The following ATP8A2 variants were observed in gnomAD, a reference collection of about 807,000 sequenced individuals.
ATP8A2 encodes ATPase phospholipid transporting 8A2.
ATP8A2 carries 100 observed loss-of-function variants against 165.6 expected under a neutral mutation model. The observed-to-expected ratio is 0.60, with a 90% CI of 0.51 to 0.71. The LOEUF is 0.71. ATP8A2 is among the 30% of genes least tolerant of loss of function. ATP8A2 has a pLI of 0.00. For missense variants in ATP8A2, 1,227 were observed against 1,479.5 expected, an observed-to-expected ratio of 0.83 and a Z score of 2.80; for synonymous variants, 543 against 548.8, an observed-to-expected ratio of 0.99 and a Z score of 0.15.
intron 27 of ATP8A2, among the ~76,000 whole-genome samples, chr13:25,792,915 AAAG>A (rs1205631572): frequency 7.2e-4 from 109 of 151,716 alleles, no homozygotes; most frequent in South Asian, 2.7e-3. Flanking sequence ...AAAAAAAAGA[AAAG>A]AAAAAGAGAG....
At chr13:25,618,596 G>A (rs1204287732) in intron 24 of ATP8A2, among the ~76,000 whole-genome samples, 1 of 150,976 alleles carries the variant, frequency 6.6e-6, no homozygotes, top group Non-Finnish European at 1.5e-5. Flanking sequence ...CTGGAGCAGT[G>A]AAGAATTCTA....
intron 33 of ATP8A2, among the ~76,000 whole-genome samples, chr13:25,875,728 T>TTAAA (rs1952805345): frequency 1.3e-5 from 2 of 152,230 alleles, no homozygotes; most frequent in African/African-American, 4.8e-5. Context: ...AGGTGATGTC[T>TTAAA]GTGGCATGAT....
At chr13:25,963,308 C>T (rs1394170449) in intron 34 of ATP8A2, among the ~76,000 whole-genome samples, 4 of 150,544 alleles carry the variant, frequency 2.7e-5, no homozygotes, top group Non-Finnish European at 5.9e-5. Flanking sequence ...GCAGGAGAAT[C>T]GCTTGAACCT....
chr13:25,547,497 C>T (rs1037531888), intron 10 of ATP8A2, among the ~76,000 whole-genome samples: 1 of 152,168 alleles, frequency 6.6e-6, no homozygotes, highest in African/African-American at 2.4e-5. Context: ...CTGTCACTGT[C>T]TCCCATCACC....
chr13:25,545,204 C>A (rs1432546408), intron 10 of ATP8A2, among the ~76,000 whole-genome samples: 1 of 151,874 alleles, frequency 6.6e-6, no homozygotes, highest in Non-Finnish European at 1.5e-5. Context: ...GGCGGGAGGG[C>A]TCCATGGCAG....
At chr13:25,469,255 TC>T in intron 2 of ATP8A2, 134 bp downstream of exon 2, 1 of 1,004,732 alleles carries the variant, frequency 1.0e-6, no homozygotes, top group Non-Finnish European at 1.3e-6. Context: ...CCCTGCCCCC[TC>T]CCCACCCCAC....
chr13:25,993,790 C>A (rs1221775206), intron 35 of ATP8A2, among the ~76,000 whole-genome samples: 1 of 152,152 alleles, frequency 6.6e-6, no homozygotes, highest in African/African-American at 2.4e-5. Flanking sequence ...TCTTCCATTT[C>A]ATTCTTCTTT....
chr13:25,475,532 C>A (rs959964250), intron 2 of ATP8A2, among the ~76,000 whole-genome samples: 1 of 152,128 alleles, frequency 6.6e-6, no homozygotes, highest in Admixed American at 6.5e-5. Flanking sequence ...TGGTGTATAC[C>A]CAGTAATGGG....
At chr13:25,800,406 AC>A (rs1000808848) in intron 27 of ATP8A2, among the ~76,000 whole-genome samples, 59 of 152,338 alleles carry the variant, frequency 3.9e-4, no homozygotes, top group African/African-American at 1.4e-3. Context: ...TGAAAAGTCA[AC>A]CAAAAGATGC....
chr13:25,761,853 T>C (rs1371682906), intron 25 of ATP8A2, among the ~76,000 whole-genome samples: 1 of 151,876 alleles, frequency 6.6e-6, no homozygotes, highest in South Asian at 2.1e-4. Flanking sequence ...GAGCTTTTAA[T>C]AGTTGAAGCA....
intron 10 of ATP8A2, among the ~76,000 whole-genome samples, chr13:25,544,343 G>A (rs1273095462): frequency 6.6e-6 from 1 of 152,252 alleles, no homozygotes; most frequent in African/African-American, 2.4e-5. Flanking sequence ...GATTCCCGTG[G>A]CAGAAGCACA....
intron 17 of ATP8A2, 90 bp from the exon 18 acceptor site, chr13:25,571,520 A>T: frequency 1.1e-6 from 1 of 909,470 alleles, no homozygotes; most frequent in Non-Finnish European, 1.8e-6. Flanking sequence ...CCTTCAGTAG[A>T]GCGGATTTTG....
intron 24 of ATP8A2, among the ~76,000 whole-genome samples, chr13:25,590,035 A>G (rs1017770271): frequency 2.0e-5 from 3 of 152,244 alleles, no homozygotes; most frequent in Non-Finnish European, 2.9e-5. Context: ...GGTGATGGTT[A>G]ATTTCACTAT....
At chr13:25,615,535 C>G (rs2040801254) in intron 24 of ATP8A2, among the ~76,000 whole-genome samples, 1 of 152,168 alleles carries the variant, frequency 6.6e-6, no homozygotes, top group Admixed American at 6.5e-5. Flanking sequence ...CCTGTCTGCA[C>G]TCCTGATTCA....
At chr13:25,402,254 T>C (rs554125419) in intron 1 of ATP8A2, among the ~76,000 whole-genome samples, 5 of 152,278 alleles carry the variant, frequency 3.3e-5, no homozygotes, top group Non-Finnish European at 7.3e-5. Flanking sequence ...GAGTTGTTTA[T>C]TTCTGGAATT....
Position 26,020,378 on chromosome 13 carries a change from G to C in ATP8A2, c.*393G>C, listed in dbSNP as rs1049587977. 1 of 174,432 alleles carries C rather than the reference G, an allele frequency of 5.7e-6. No homozygotes were observed. The highest frequency in any genetic ancestry group is 6.2e-5 in the Admixed American group (1 of 16,136). 10.8% of individuals were successfully genotyped at this position (174,432 alleles called of 1,614,324 possible). On this transcript the variant is annotated 3_prime_UTR_variant, in exon 37 of 37. Coordinates refer to ENST00000381655, the MANE Select transcript of ATP8A2 (RefSeq NM_016529.6). The stretch of plus-strand genomic sequence containing the variant: ...GCCCATCCTGTGTAATTGGAGCAGG[G>C]CACACTTGCTTCCTGTTGAGTTAAC...
intron 1 of ATP8A2, among the ~76,000 whole-genome samples, chr13:25,410,006 G>A (rs929406660): frequency 5.0e-3 from 1 of 202 alleles, no homozygotes; most frequent in Admixed American, 0.038. Context: ...ACATATTTTT[G>A]TATGTGTATT....
At chr13:25,796,425 C>G (rs1171727828) in intron 27 of ATP8A2, among the ~76,000 whole-genome samples, 1 of 152,160 alleles carries the variant, frequency 6.6e-6, no homozygotes, top group Non-Finnish European at 1.5e-5. Flanking sequence ...ATTTGGGACC[C>G]TCTCTTCACT....
In ATP8A2 at chr13:25,689,240, G is replaced by A. The variant is rs527387354; in HGVS notation, c.2212-9933G>A. 2.6e-5 allele frequency among the ~76,000 whole-genome samples: 4 copies of A among 152,358 alleles called. No individual in the cohort carries two copies. The South Asian group carries it at 6.2e-4, about 24-fold the overall frequency. On this transcript the variant is annotated intron_variant, in intron 24 of 36. Transcript: ENST00000381655. Reference sequence around the variant, plus strand: ...TTTAAGAAACTGGTTTTGTCTTAAAGCAGATAAGTAGTTCAAAAATTGTAA... The same window carrying A: ...TTTAAGAAACTGGTTTTGTCTTAAAACAGATAAGTAGTTCAAAAATTGTAA...
Sources: gnomAD v4.1 joint callset for allele counts (sites outside exome capture counted in the v4.1 genomes callset) on GRCh38, gnomAD v4.1.1 for gene constraint, MANE v1.5 for transcripts, NCBI Gene and HGNC (gene_info 2026-07-23, HGNC 2026-07-21) for gene names.